The following BEND4 variants were observed in gnomAD, a reference collection of about 807,000 sequenced individuals.
BEND4 encodes BEN domain containing 4, also known as BEN domain-containing protein 4.
Under a neutral mutation model 54.7 loss-of-function variants are expected in BEND4, and 27 were observed. The ratio of observed to expected loss-of-function variants is 0.49; its 90% CI spans 0.36 to 0.68. BEND4 has a LOEUF of 0.68. Among genes scored for constraint, BEND4 ranks in the 30% least tolerant of loss-of-function variants. The probability of loss-of-function intolerance (pLI) is 0.00; values close to 1 mark genes in which losing one functional copy is unlikely to be tolerated. For synonymous variants in BEND4, 327 were observed against 299.5 expected, an observed-to-expected ratio of 1.09 and a Z score of -0.95; for missense variants, 702 against 697.2, an observed-to-expected ratio of 1.01 and a Z score of -0.08.
In BEND4 at chr4:42,143,615, T is replaced by C. The variant is rs1409416409; in HGVS notation, c.867A>G (p.Thr289=). Residue 289 remains threonine (T), a synonymous_variant, in exon 3 of 6, where the codon ACA becomes ACG. Coordinates refer to ENST00000502486, the MANE Select transcript of BEND4 (RefSeq NM_207406.4). ...VDPLSTSPVH[T]LGGWTSPATS... is the part of the protein sequence containing the mutation. ...TTGCTGGGGAAGTCCAGCCACCTAA[T>C]GTATGCACAGGAGAGGTTGACAGAG... The C allele has an allele frequency of 3.7e-6, 6 of 1,608,714 alleles. No homozygotes were observed. In the Admixed American group the frequency reaches 6.8e-5, roughly 18 times the overall value.
chr4:42,128,529 C>A (rs1254007637), intron 3 of BEND4, among the ~76,000 whole-genome samples: 3 of 151,814 alleles, frequency 2.0e-5, no homozygotes, highest in Non-Finnish European at 2.9e-5. Context: ...GAGGCTGAGG[C>A]AGAAGAATGG....
intron 2 of BEND4, 148 bp downstream of exon 2, chr4:42,151,509 G>C (rs1721280893): frequency 1.3e-6 from 1 of 793,904 alleles, no homozygotes; most frequent in African/African-American, 1.8e-5. Flanking sequence ...CGAAGTTTCC[G>C]GGTGCGCGGG....
chr4:42,151,186 G>C (rs990181436), intron 2 of BEND4: 16 of 153,254 alleles, frequency 1.0e-4, no homozygotes, highest in African/African-American at 3.6e-4. Flanking sequence ...GGCGAAGAAA[G>C]CACTAGAAGG....
At chr4:42,118,515 C>T (rs1719933763) in intron 5 of BEND4, among the ~76,000 whole-genome samples, 1 of 152,194 alleles carries the variant, frequency 6.6e-6, no homozygotes, top group African/African-American at 2.4e-5. Flanking sequence ...TCTGGTTAGG[C>T]AGCCTGGACT....
intron 2 of BEND4, among the ~76,000 whole-genome samples, chr4:42,144,945 T>C (rs1721025074): frequency 1.3e-5 from 2 of 152,200 alleles, no homozygotes; most frequent in Admixed American, 1.3e-4. Context: ...GAATGGGCTA[T>C]TATAAATACA....
At chr4:42,145,108 C>T (rs1721030251) in intron 2 of BEND4, among the ~76,000 whole-genome samples, 1 of 152,182 alleles carries the variant, frequency 6.6e-6, no homozygotes, top group Non-Finnish European at 1.5e-5. Flanking sequence ...CACTAGCTCT[C>T]TCTGAAAATG....
intron 3 of BEND4, among the ~76,000 whole-genome samples, chr4:42,128,237 A>C (rs1044092023): frequency 1.2e-4 from 19 of 152,226 alleles, no homozygotes; most frequent in African/African-American, 4.6e-4. Flanking sequence ...CACAGCCAAT[A>C]TCATACTGAA....
At chr4:42,145,150 A>G (rs1051481964) in intron 2 of BEND4, among the ~76,000 whole-genome samples, 4 of 152,230 alleles carry the variant, frequency 2.6e-5, no homozygotes, top group Non-Finnish European at 5.9e-5. Context: ...TGGAGGAAAG[A>G]AAACTTTCAG....
intron 5 of BEND4, among the ~76,000 whole-genome samples, chr4:42,119,324 G>C (rs920990599): frequency 1.3e-5 from 2 of 151,880 alleles, no homozygotes; most frequent in Non-Finnish European, 2.9e-5. Context: ...GGTTAATATT[G>C]AGCTTTTTGA....
intron 3 of BEND4, among the ~76,000 whole-genome samples, chr4:42,127,107 T>G (rs947854479): frequency 6.6e-6 from 1 of 152,218 alleles, no homozygotes; most frequent in African/African-American, 2.4e-5. Context: ...GGAATTATCA[T>G]TTTATGCAAT....
rs142983958 is a variant in BEND4 at position 42,135,937 on chromosome 4, A to G, written c.1054+7491T>C. On this transcript the variant is annotated intron_variant, in intron 3 of 5. Transcript: ENST00000502486. ...GATTCAAACACGGCTTTGACTCCGA[A>G]TCCATTCTCTTTACCTTCTGTTGCT... Among the ~76,000 whole-genome samples the G allele has an allele frequency of 5.1e-3, 780 of 152,266 alleles. 8 individuals carry two copies. Among genetic ancestry groups the G allele is most frequent in the African/African-American group, 0.017 (708 of 41,544 alleles).
chr4:42,138,897 T>G (rs1463228031), intron 3 of BEND4, among the ~76,000 whole-genome samples: 1 of 152,222 alleles, frequency 6.6e-6, no homozygotes, highest in Non-Finnish European at 1.5e-5. Context: ...AGATAATTAT[T>G]ATGTACAATT....
At position 42,112,849 on chromosome 4, in the gene BEND4, A is replaced by C. The variant is rs1270103394; in HGVS notation, c.*4669T>G. 4 of 152,112 alleles carry C rather than the reference A, an allele frequency of 2.6e-5. No homozygotes were observed. The highest frequency in any genetic ancestry group is 2.0e-4 in the Admixed American group (3 of 15,274). 9.4% of individuals were successfully genotyped at this position (152,112 alleles called of 1,614,324 possible). On this transcript the variant is annotated 3_prime_UTR_variant, in exon 6 of 6. Coordinates refer to ENST00000502486, the MANE Select transcript of BEND4 (RefSeq NM_207406.4). Reference sequence around the variant, plus strand: ...TTCTTCACTCTCCTCTAAAAAAAAAACAAAAACCCAACATAAATAAAAGAA... The same window carrying C: ...TTCTTCACTCTCCTCTAAAAAAAAACCAAAAACCCAACATAAATAAAAGAA...
rs2153143424 is a variant in BEND4 at position 42,111,006 on chromosome 4, T to C, written c.*6512A>G. On this transcript the variant is annotated 3_prime_UTR_variant, in exon 6 of 6. Transcript: ENST00000502486. The stretch of plus-strand genomic sequence containing the variant: ...GAACACGTGGCATTCTAGAGGTATA[T>C]GAGGTAATAAAATCAACACTCCAAT... 6.6e-6 allele frequency: 1 copy of C among 152,350 alleles called. No individual in the cohort carries two copies. The highest frequency in any genetic ancestry group is 1.9e-4 in the East Asian group (1 of 5,182). The allele number at this position is 152,350 out of a possible 1,614,324, so 9.4% of individuals were successfully genotyped here.
At chr4:42,143,314 A>G (rs764597528) in intron 3 of BEND4, 114 bp downstream of exon 3, 157 of 965,866 alleles carry the variant, frequency 1.6e-4, no homozygotes, top group Non-Finnish European at 2.2e-4. Flanking sequence ...AAACAAAAAA[A>G]GCCCACACAT....
At chr4:42,121,849 A>G (rs1472860746) in intron 4 of BEND4, among the ~76,000 whole-genome samples, 1 of 152,304 alleles carries the variant, frequency 6.6e-6, no homozygotes, top group East Asian at 1.9e-4. Context: ...AGACTGAGGA[A>G]GCAAGATGAT....
intron 3 of BEND4, among the ~76,000 whole-genome samples, chr4:42,136,868 T>A (rs1027039919): frequency 1.3e-5 from 2 of 152,222 alleles, no homozygotes; most frequent in African/African-American, 4.8e-5. Context: ...TTAAATAAGA[T>A]CTCTTTAAAT....
intron 3 of BEND4, among the ~76,000 whole-genome samples, chr4:42,129,280 C>A (rs745781976): frequency 6.6e-6 from 1 of 152,126 alleles, no homozygotes; most frequent in Non-Finnish European, 1.5e-5. Flanking sequence ...AGAGAGGACA[C>A]AAACAAATGG....
chr4:42,121,961 C>G (rs1577747391), intron 4 of BEND4, among the ~76,000 whole-genome samples: 1 of 152,244 alleles, frequency 6.6e-6, no homozygotes, highest in East Asian at 1.9e-4. Context: ...TTCCCAAGCA[C>G]TGAGAGGAAC....
Sources: allele counts gnomAD v4.1 joint callset (sites outside exome capture counted in the v4.1 genomes callset), GRCh38; gene constraint gnomAD v4.1.1; transcripts MANE v1.5; gene names NCBI Gene and HGNC (gene_info 2026-07-23, HGNC 2026-07-21).